Variants in ANKRD10 observed in about 807,000 individuals in gnomAD.
ANKRD10 encodes ankyrin repeat domain-containing protein 10.
In ANKRD10, 14 loss-of-function variants were observed where a neutral mutation model predicts 27.0. The ratio of observed to expected loss-of-function variants is 0.52; its 90% CI spans 0.34 to 0.81. The LOEUF (loss-of-function observed/expected upper bound fraction) is 0.81, where lower values mean the gene tolerates loss of function less well. Ranked by LOEUF, ANKRD10 falls within the 40% of genes least tolerant of loss-of-function variation. ANKRD10 has a pLI of 0.01. For missense variants in ANKRD10, 493 were observed against 544.0 expected, an observed-to-expected ratio of 0.91 and a Z score of 0.93; for synonymous variants, 250 against 224.5, an observed-to-expected ratio of 1.11 and a Z score of -1.01.
At chr13:110,898,180 T>TAA (rs2065279680) in intron 3 of ANKRD10, among the ~76,000 whole-genome samples, 1 of 152,218 alleles carries the variant, frequency 6.6e-6, no homozygotes, top group South Asian at 2.1e-4. Flanking sequence ...TTACATGTTC[T>TAA]AAGTGCCTTA....
In ANKRD10 at chr13:110,879,428, C is replaced by T; in HGVS notation, c.*209G>A. The T allele has an allele frequency of 1.8e-6, 1 of 551,474 alleles. No individual in the cohort carries two copies. Among genetic ancestry groups the T allele is most frequent in the Non-Finnish European group, 3.2e-6 (1 of 309,248 alleles). The allele number at this position is 551,474 out of a possible 1,614,324, so 34.2% of individuals were successfully genotyped here. ...AAAGTGCACCTTATAAAAAGGACACCTCACTGTAGAAACATCTATGCACTT... is the reference window on the plus strand; with the variant it reads ...AAAGTGCACCTTATAAAAAGGACACTTCACTGTAGAAACATCTATGCACTT... On this transcript the variant is annotated 3_prime_UTR_variant, in exon 6 of 6. Transcript: ENST00000267339.
At chr13:110,901,440 A>T (rs2065377159) in intron 3 of ANKRD10, among the ~76,000 whole-genome samples, 1 of 152,254 alleles carries the variant, frequency 6.6e-6, no homozygotes, top group Non-Finnish European at 1.5e-5. Context: ...TGAAATATTT[A>T]GCATGCTCCT....
chr13:110,884,434 A>C (rs1442924825), intron 4 of ANKRD10, among the ~76,000 whole-genome samples: 3 of 152,202 alleles, frequency 2.0e-5, no homozygotes, highest in Non-Finnish European at 2.9e-5. Context: ...CCCACGCTGC[A>C]CAAGCACCTC....
In ANKRD10 at chr13:110,879,802, T is replaced by A. The variant is rs1566441906; in HGVS notation, c.1098A>T (p.Glu366Asp). Reference sequence around the variant, plus strand: ...CATAGTACAGGTTATCCCCAATGTCTTCCACCCAGGAAGGCCTACTGGCTA... The same window carrying A: ...CATAGTACAGGTTATCCCCAATGTCATCCACCCAGGAAGGCCTACTGGCTA... ...SCIASRPSWV[E>D]DIGDNLYYGH... The change falls in exon 6 of 6, where the codon GAA becomes GAT. Residue 366 changes from glutamate (E) to aspartate (D), a missense_variant. Coordinates refer to ENST00000267339, the MANE Select transcript of ANKRD10 (RefSeq NM_017664.4). 2.5e-6 allele frequency: 4 copies of A among 1,614,228 alleles called. 1 individual carries two copies. The Admixed American group carries it at 6.7e-5, about 27-fold the overall frequency.
intron 2 of ANKRD10, among the ~76,000 whole-genome samples, chr13:110,907,696 A>C (rs1235095087): frequency 1.3e-5 from 2 of 152,238 alleles, no homozygotes; most frequent in Non-Finnish European, 2.9e-5. Flanking sequence ...ATGCGGCTAT[A>C]AACTATCCAG....
chr13:110,914,499 G>C (rs1169780280), intron 1 of ANKRD10: 1 of 442,710 alleles, frequency 2.3e-6, no homozygotes, highest in Non-Finnish European at 3.5e-6. Flanking sequence ...GGACGCAGGC[G>C]CCACCGACCT....
chr13:110,884,900 C>T (rs1391380435), intron 4 of ANKRD10, among the ~76,000 whole-genome samples: 1 of 152,052 alleles, frequency 6.6e-6, no homozygotes, highest in Admixed American at 6.6e-5. Context: ...GTTTTAGAGG[C>T]CCACGAGTCA....
intron 3 of ANKRD10, chr13:110,905,362 A>G (rs981970819): frequency 6.6e-6 from 1 of 152,222 alleles, no homozygotes; most frequent in Admixed American, 6.5e-5. Context: ...CTAAAAGACT[A>G]CACGTAAACA....
intron 3 of ANKRD10, among the ~76,000 whole-genome samples, chr13:110,902,840 T>C (rs2065422371): frequency 6.6e-6 from 1 of 151,466 alleles, no homozygotes; most frequent in Non-Finnish European, 1.5e-5. Context: ...TTCTACTCAG[T>C]GGCAAAAAGC....
rs71127979 is a variant in ANKRD10 at position 110,892,416 on chromosome 13, C to CAAAAAAAAAAAAAAAAAAAA, written c.691+592_691+611dup. Among the ~76,000 whole-genome samples, 172 of 19,542 alleles carry CAAAAAAAAAAAAAAAAAAAA rather than the reference C, an allele frequency of 8.8e-3. 42 individuals are homozygous for CAAAAAAAAAAAAAAAAAAAA. In the East Asian group the frequency reaches 0.096, roughly 11 times the overall value. 12.8% of individuals were successfully genotyped at this position (19,542 alleles called of 152,430 possible). On this transcript the variant is annotated intron_variant, in intron 4 of 5. Transcript: ENST00000267339. ...TTGCACTCCAGCCTGGGTGACAGAGCAAAAAAAAAAAAAAAAAAAATGGTG... is the reference window on the plus strand; with the variant it reads ...TTGCACTCCAGCCTGGGTGACAGAGCAAAAAAAAAAAAAAAAAAAAAAAAAAAAAAAAAAAAAAAATGGTG...
chr13:110,904,568 T>C (rs1300076714), intron 3 of ANKRD10, among the ~76,000 whole-genome samples: 1 of 152,216 alleles, frequency 6.6e-6, no homozygotes, highest in East Asian at 1.9e-4. Flanking sequence ...TGACAAGCAA[T>C]TTAATCATGT....
intron 4 of ANKRD10, 22 bp from the exon 5 acceptor site, chr13:110,883,815 T>C: frequency 3.7e-6 from 6 of 1,612,934 alleles, no homozygotes; most frequent in Non-Finnish European, 5.1e-6. Flanking sequence ...ACAAAGACTA[T>C]TTCAGATTCC....
At chr13:110,887,209 A>G (rs2064954753) in intron 4 of ANKRD10, among the ~76,000 whole-genome samples, 1 of 152,202 alleles carries the variant, frequency 6.6e-6, no homozygotes, top group Non-Finnish European at 1.5e-5. Flanking sequence ...TTTTCATCTG[A>G]AATTTGGGGG....
chr13:110,909,791 G>A (rs1009840904), intron 2 of ANKRD10, among the ~76,000 whole-genome samples: 5 of 152,112 alleles, frequency 3.3e-5, no homozygotes, highest in Non-Finnish European at 5.9e-5. Flanking sequence ...CTGAATCTTG[G>A]GAAAGAAAAG....
At chr13:110,899,637 T>C (rs1442959459) in intron 3 of ANKRD10, among the ~76,000 whole-genome samples, 1 of 152,220 alleles carries the variant, frequency 6.6e-6, no homozygotes, top group African/African-American at 2.4e-5. Flanking sequence ...TGCAATGTAC[T>C]GTGGAAACTA....
intron 4 of ANKRD10, among the ~76,000 whole-genome samples, chr13:110,886,920 G>A: frequency 6.6e-6 from 1 of 152,198 alleles, no homozygotes; most frequent in East Asian, 1.9e-4. Context: ...GACTGTAAAA[G>A]CAGGTGTCAG....
At chr13:110,910,594 C>T (rs763415492) in intron 2 of ANKRD10, 24 bp downstream of exon 2, 2 of 1,610,400 alleles carry the variant, frequency 1.2e-6, no homozygotes, top group South Asian at 1.1e-5. Context: ...AAAAGCAAAC[C>T]AAGTCCATCA....
At chr13:110,891,316 G>C (rs1241207229) in intron 4 of ANKRD10, among the ~76,000 whole-genome samples, 5 of 152,036 alleles carry the variant, frequency 3.3e-5, no homozygotes, top group Non-Finnish European at 7.4e-5. Flanking sequence ...AACTACATTA[G>C]AAAAAATATA....
At position 110,910,761 on chromosome 13, in the gene ANKRD10, A is replaced by G; in HGVS notation, c.220T>C (p.Leu74=). Residue 74 remains leucine (L), a synonymous_variant, in exon 2 of 6, where the codon TTA becomes CTA. Coordinates refer to ENST00000267339, the MANE Select transcript of ANKRD10 (RefSeq NM_017664.4). The part of the protein sequence containing the change: ...WAAHFGKLEC[L]VQLVRAGATL... Reference sequence around the variant, plus strand: ...GCTCCCGCTCTCACCAACTGCACTAAGCACTCCAACTTCGAAAACAAGAGG... The same window carrying G: ...GCTCCCGCTCTCACCAACTGCACTAGGCACTCCAACTTCGAAAACAAGAGG... 6.2e-7 allele frequency: 1 copy of G among 1,613,570 alleles called. No individual in the cohort carries two copies. Among genetic ancestry groups the G allele is most frequent in the East Asian group, 2.2e-5 (1 of 44,874 alleles).
Sources: gnomAD v4.1 joint callset for allele counts (sites outside exome capture counted in the v4.1 genomes callset) on GRCh38, gnomAD v4.1.1 for gene constraint, MANE v1.5 for transcripts, NCBI Gene and HGNC (gene_info 2026-07-23, HGNC 2026-07-21) for gene names.